Variants in FGF14 observed in about 807,000 individuals in gnomAD.
FGF14 encodes fibroblast growth factor homologous factor 4.
FGF14 carries 5 observed loss-of-function variants against 25.5 expected under a neutral mutation model. The ratio of observed to expected loss-of-function variants is 0.20; its 90% CI spans 0.10 to 0.41. The LOEUF (loss-of-function observed/expected upper bound fraction) is 0.41. Ranked by LOEUF, FGF14 falls within the 10% of genes least tolerant of loss-of-function variation. FGF14 has a pLI of 1.00. For missense variants in FGF14, 222 were observed against 320.1 expected (o/e 0.69, Z 2.34); for synonymous variants, 138 against 118.3 (o/e 1.17, Z -1.08).
Position 102,269,512 on chromosome 13 carries a change from A to G in FGF14, c.208+131959T>C, listed in dbSNP as rs141990320. On this transcript the variant is annotated intron_variant, in intron 1 of 4. Coordinates refer to the FGF14 transcript ENST00000376131. ...TGGTGAATTTCTGAGGCATTAAATT[A>G]TCAGCCTGGCAATCTTTATTTTATT... Among the ~76,000 whole-genome samples the G allele has an allele frequency of 6.2e-3, 947 of 152,328 alleles. 7 individuals carry two copies. Among genetic ancestry groups the G allele is most frequent in the Middle Eastern group, 0.017 (5 of 294 alleles).
rs1260006829 is a variant in FGF14, at chr13:102,272,949, A to G, written c.208+128522T>C. Among the ~76,000 whole-genome samples, 5 of 152,294 alleles carry G rather than the reference A, an allele frequency of 3.3e-5. No homozygotes were observed. In the South Asian group the frequency reaches 6.2e-4, roughly 19 times the overall value. On this transcript the variant is annotated intron_variant, in intron 1 of 4. Coordinates refer to the FGF14 transcript ENST00000376131. ...ACGTAGTTTAATTTAATAAACAAAT[A>G]TATCTCATGAGTTCACAGAAGATTT...
intron 1 of FGF14, among the ~76,000 whole-genome samples, chr13:102,384,350 C>G (rs2058253886): frequency 6.6e-6 from 1 of 152,166 alleles, no homozygotes; most frequent in Non-Finnish European, 1.5e-5. Flanking sequence ...TAAGGTAAAA[C>G]TCTCAGATTT....
At chr13:102,149,822 C>T (rs1264732686) in intron 1 of FGF14, among the ~76,000 whole-genome samples, 3 of 152,158 alleles carry the variant, frequency 2.0e-5, no homozygotes, top group Non-Finnish European at 4.4e-5. Context: ...GGGAGCCCTA[C>T]TTGGACATGA....
intron 3 of FGF14, among the ~76,000 whole-genome samples, chr13:101,838,841 C>T (rs181587180): frequency 1.4e-4 from 22 of 152,082 alleles, no homozygotes; most frequent in African/African-American, 5.1e-4. Flanking sequence ...AGCAAAAATT[C>T]CAATGGACAG....
intron 1 of FGF14, among the ~76,000 whole-genome samples, chr13:102,233,984 G>A (rs2051204616): frequency 6.6e-6 from 1 of 152,196 alleles, no homozygotes. Flanking sequence ...CTTACATGAG[G>A]TATCTAGATT....
chr13:101,759,202 C>A (rs557316451), intron 3 of FGF14, among the ~76,000 whole-genome samples: 1 of 152,146 alleles, frequency 6.6e-6, no homozygotes, highest in South Asian at 2.1e-4. Flanking sequence ...CTGTCCCCTT[C>A]CACTAACCCC....
chr13:102,178,807 A>G (rs917371443), intron 1 of FGF14, among the ~76,000 whole-genome samples: 1 of 152,028 alleles, frequency 6.6e-6, no homozygotes, highest in Non-Finnish European at 1.5e-5. Flanking sequence ...AGATATATAT[A>G]TGTGTGTGTG....
intron 1 of FGF14, among the ~76,000 whole-genome samples, chr13:102,030,497 C>T (rs544249015): frequency 6.6e-6 from 1 of 152,016 alleles, no homozygotes; most frequent in South Asian, 2.1e-4. Flanking sequence ...AGTCACCAGG[C>T]AATGAAAGAA....
chr13:101,872,184 TG>T (rs1167166800), intron 2 of FGF14, among the ~76,000 whole-genome samples: 1 of 151,906 alleles, frequency 6.6e-6, no homozygotes, highest in African/African-American at 2.4e-5. Flanking sequence ...GGTGAGTTTT[TG>T]GTTTTTTTAA....
intron 1 of FGF14, among the ~76,000 whole-genome samples, chr13:102,117,920 A>G (rs1329461525): frequency 6.6e-6 from 1 of 152,192 alleles, no homozygotes; most frequent in Non-Finnish European, 1.5e-5. Context: ...GAGGCTAGGG[A>G]AAGAAATAAT....
chr13:102,032,909 C>T (rs547145965), intron 1 of FGF14, among the ~76,000 whole-genome samples: 157 of 152,210 alleles, frequency 1.0e-3, no homozygotes, highest in African/African-American at 3.6e-3. Flanking sequence ...CTTCATGAAG[C>T]CTACCTGAGA....
intron 3 of FGF14, among the ~76,000 whole-genome samples, chr13:101,786,410 G>A (rs887964438): frequency 7.2e-5 from 11 of 152,138 alleles, no homozygotes; most frequent in African/African-American, 2.4e-4. Flanking sequence ...GAGGGGTGGA[G>A]GACGGGGAGT....
intron 1 of FGF14, among the ~76,000 whole-genome samples, chr13:102,080,186 A>G (rs1265469950): frequency 2.0e-5 from 3 of 152,152 alleles, no homozygotes; most frequent in Admixed American, 2.0e-4. Flanking sequence ...TAAAGAAAAG[A>G]TTGTAGGAGG....
intron 1 of FGF14, among the ~76,000 whole-genome samples, chr13:101,910,832 G>A (rs2032841716): frequency 7.4e-6 from 1 of 135,658 alleles, no homozygotes; most frequent in African/African-American, 2.8e-5. Context: ...TTAGAGATTT[G>A]GATTCGTGTG....
At chr13:101,891,391 A>G (rs79031336) in intron 1 of FGF14, among the ~76,000 whole-genome samples, 3,209 of 152,242 alleles carry the variant, frequency 0.021, 134 homozygotes, top group African/African-American at 0.072. Context: ...CTTTATAGCC[A>G]CCACCTTGCA....
At chr13:102,112,874 T>G (rs1169113051) in intron 1 of FGF14, among the ~76,000 whole-genome samples, 1 of 152,196 alleles carries the variant, frequency 6.6e-6, no homozygotes, top group East Asian at 1.9e-4. Context: ...CATGGCTCTC[T>G]CAAGACTGAA....
intron 1 of FGF14, among the ~76,000 whole-genome samples, chr13:102,307,335 T>C (rs767952087): frequency 6.6e-6 from 1 of 152,190 alleles, no homozygotes; most frequent in Non-Finnish European, 1.5e-5. Context: ...AGGAGACTTC[T>C]GACCTGCAGA....
intron 1 of FGF14, among the ~76,000 whole-genome samples, chr13:102,096,018 A>G (rs1369233103): frequency 7.5e-6 from 1 of 132,506 alleles, no homozygotes; most frequent in East Asian, 2.1e-4. Context: ...TATATATATA[A>G]TATATTTCTT....
intron 1 of FGF14, among the ~76,000 whole-genome samples, chr13:102,021,902 C>T (rs1346917457): frequency 6.6e-6 from 1 of 152,038 alleles, no homozygotes; most frequent in Non-Finnish European, 1.5e-5. Context: ...CTACCTACAA[C>T]CCCAAACCCC....
Sources: allele counts gnomAD v4.1 joint callset (sites outside exome capture counted in the v4.1 genomes callset), GRCh38; gene constraint gnomAD v4.1.1; transcripts MANE v1.5; gene names NCBI Gene and HGNC (gene_info 2026-07-23, HGNC 2026-07-21).